Variants in PRKACA observed in about 807,000 individuals in gnomAD.
PRKACA encodes the protein protein kinase cAMP-activated catalytic subunit alpha, also known as cAMP-dependent protein kinase catalytic subunit alpha.
A neutral mutation model predicts 45.8 loss-of-function variants in PRKACA; 9 were observed. The ratio of observed to expected loss-of-function variants is 0.20; its 90% CI spans 0.12 to 0.34. PRKACA has a LOEUF of 0.34. Ranked by LOEUF, PRKACA falls within the 10% of genes least tolerant of loss-of-function variation. The pLI is 1.00. For missense variants in PRKACA, 238 were observed against 458.6 expected (o/e 0.52, Z 4.39); for synonymous variants, 160 against 178.6 (o/e 0.90, Z 0.83).
chr19:14,098,590 G>C (rs1473211374), intron 5 of PRKACA: 2 of 151,696 alleles, frequency 1.3e-5, no homozygotes, highest in Non-Finnish European at 2.9e-5. Context: ...TTGCCTCCTG[G>C]AAACAAGTGA....
chr19:14,092,896 G>A lies in PRKACA; in HGVS notation c.*216C>T. ...GAGGAAGGGAAAAGTGGGAGAGGGG[G>A]CAGGAGGGTGAAGGGGATGAGGGGG... On this transcript the variant is annotated 3_prime_UTR_variant, in exon 10 of 10. Coordinates refer to ENST00000308677, the MANE Select transcript of PRKACA (RefSeq NM_002730.4). The A allele has an allele frequency of 1.8e-6, 1 of 540,680 alleles. No individual in the cohort carries two copies. The highest frequency in any genetic ancestry group is 3.2e-6 in the Non-Finnish European group (1 of 315,330). 33.5% of individuals were successfully genotyped at this position (540,680 alleles called of 1,614,324 possible).
At chr19:14,096,032 GTTTTTTTTTT>G (rs60082323) in intron 8 of PRKACA, among the ~76,000 whole-genome samples, 1 of 92,580 alleles carries the variant, frequency 1.1e-5, no homozygotes, top group Non-Finnish European at 2.1e-5. Context: ...CTAATTTTTA[GTTTTTTTTTT>G]TTTTTTTTTT....
rs1454927053 is a variant in PRKACA, at chr19:14,092,637, CAGG to C, written c.*472_*474del. The C allele has an allele frequency of 2.5e-5, 10 of 397,956 alleles. No homozygotes were observed. The highest frequency in any genetic ancestry group is 1.2e-3 in the Middle Eastern group (2 of 1,606). 24.7% of individuals were successfully genotyped at this position (397,956 alleles called of 1,614,324 possible). ...TCACTAAAAATCTCTCCTTCCCAGG[CAGG>C]ATTACTCCGAAAGGAAGGTTGGCGC... On this transcript the variant is annotated 3_prime_UTR_variant, in exon 10 of 10. Transcript: ENST00000308677.
At chr19:14,104,023 G>A (rs1299560136) in intron 3 of PRKACA, among the ~76,000 whole-genome samples, 1 of 151,198 alleles carries the variant, frequency 6.6e-6, no homozygotes, top group Non-Finnish European at 1.5e-5. Flanking sequence ...CTGGGCAACA[G>A]AGCAAGACCC....
At position 14,097,834 on chromosome 19, in the gene PRKACA, T is replaced by C. The variant is rs1182215017; in HGVS notation, c.476A>G (p.His159Arg). The C allele has an allele frequency of 6.2e-7, 1 of 1,613,828 alleles. No homozygotes were observed. Among genetic ancestry groups the C allele is most frequent in the Non-Finnish European group, 8.5e-7 (1 of 1,179,974 alleles). Residue 159 changes from histidine to arginine, a missense_variant, in exon 6 of 10, where the codon CAC (histidine) becomes CGC (arginine). By Grantham distance (29) the His-to-Arg change is conservative. Transcript: ENST00000308677. The surrounding 1 kb of genome is among the most constrained non-coding windows in gnomAD (Gnocchi z 5.4). The part of the protein sequence containing the change: ...AQIVLTFEYL[H>R]SLDLIYRDLK... ...GTCCCTGTAGATGAGATCCAGCGAGTGCAGATACTCAAAGGTCAGGACGAT... is the reference window on the plus strand; with the variant it reads ...GTCCCTGTAGATGAGATCCAGCGAGCGCAGATACTCAAAGGTCAGGACGAT...
intron 1 of PRKACA, among the ~76,000 whole-genome samples, chr19:14,115,002 G>C (rs964249187): frequency 6.6e-6 from 1 of 152,064 alleles, no homozygotes; most frequent in African/African-American, 2.4e-5. Context: ...CCCTGCCCCT[G>C]CCCCACCCTT....
chr19:14,098,858 G>A (rs1217446107), intron 5 of PRKACA, among the ~76,000 whole-genome samples: 1 of 151,746 alleles, frequency 6.6e-6, no homozygotes, highest in African/African-American at 2.4e-5. Flanking sequence ...ATTTTCTTAG[G>A]TGATAGAAAA....
chr19:14,107,018 C>T (rs1977633260), intron 2 of PRKACA, 130 bp from the exon 3 acceptor site: 2 of 1,217,474 alleles, frequency 1.6e-6, no homozygotes, highest in Admixed American at 2.5e-5. Flanking sequence ...GGGGTGAGGA[C>T]AGGGGGCGGA....
At chr19:14,104,894 CAAAA>C (rs1346781258) in intron 3 of PRKACA, among the ~76,000 whole-genome samples, 1 of 151,702 alleles carries the variant, frequency 6.6e-6, no homozygotes, top group Non-Finnish European at 1.5e-5. Context: ...CAAAACAAAA[CAAAA>C]CAAAAATTAA....
chr19:14,094,760 AT>A (rs1272121077), intron 8 of PRKACA, among the ~76,000 whole-genome samples: 1 of 152,188 alleles, frequency 6.6e-6, no homozygotes, highest in African/African-American at 2.4e-5. Context: ...CTTCTGAAAT[AT>A]TCTTGCTTAT....
At position 14,093,502 on chromosome 19, in the gene PRKACA, G is replaced by T. The variant is rs1307476600; in HGVS notation, c.930+126C>A. The T allele has an allele frequency of 3.9e-6, 5 of 1,288,122 alleles. No individual in the cohort carries two copies. In the East Asian group the frequency reaches 9.3e-5, roughly 24 times the overall value. 79.8% of individuals were successfully genotyped at this position (1,288,122 alleles called of 1,614,324 possible). A position where few individuals can be genotyped will look rare whatever the true frequency, so the allele number is the denominator to read the frequency against. On this transcript the variant is annotated intron_variant, in intron 9 of 9. Transcript: ENST00000308677. ...CAGAATCCCATTTCTAGACCCCACTGCTCTAAGCTCTCTACTCTAGGTTGC... is the reference window on the plus strand; with the variant it reads ...CAGAATCCCATTTCTAGACCCCACTTCTCTAAGCTCTCTACTCTAGGTTGC...
At chr19:14,108,785 T>A (rs1307080745) in intron 1 of PRKACA, among the ~76,000 whole-genome samples, 2 of 149,570 alleles carry the variant, frequency 1.3e-5, no homozygotes, top group Non-Finnish European at 3.0e-5. Context: ...TGGAGTGCAG[T>A]GGCACAATCT....
intron 1 of PRKACA, 94 bp downstream of exon 1, chr19:14,117,408 G>A: frequency 8.5e-7 from 1 of 1,182,938 alleles, no homozygotes; most frequent in Non-Finnish European, 1.1e-6. Context: ...CAGAGAGGAT[G>A]AGGGGCCCCG....
At chr19:14,102,976 T>C in intron 3 of PRKACA, 62 bp from the exon 4 acceptor site, 1 of 1,322,072 alleles carries the variant, frequency 7.6e-7, no homozygotes. Flanking sequence ...TCATTTCCCC[T>C]AATGCCTGGA....
intron 1 of PRKACA, among the ~76,000 whole-genome samples, chr19:14,114,405 C>G (rs1967064226): frequency 6.6e-6 from 1 of 152,142 alleles, no homozygotes; most frequent in Non-Finnish European, 1.5e-5. Context: ...ACCTCTTGGG[C>G]ACCCATACAA....
At chr19:14,104,705 A>T (rs1311592710) in intron 3 of PRKACA, among the ~76,000 whole-genome samples, 3 of 151,210 alleles carry the variant, frequency 2.0e-5, no homozygotes, top group Non-Finnish European at 4.4e-5. Context: ...CAAAAAAAAA[A>T]AAAAAAAAAA....
At chr19:14,117,419 T>G in intron 1 of PRKACA, 83 bp downstream of exon 1, 5 of 1,194,320 alleles carry the variant, frequency 4.2e-6, no homozygotes, top group Non-Finnish European at 5.2e-6. Flanking sequence ...AGGGGCCCCG[T>G]AGGGGGAGGG....
intron 9 of PRKACA, 114 bp from the exon 10 acceptor site, chr19:14,093,351 C>G: frequency 7.2e-7 from 1 of 1,389,152 alleles, no homozygotes; most frequent in South Asian, 1.4e-5. Context: ...CAGGCCTGTG[C>G]TTACCATTAG....
At chr19:14,095,301 G>C (rs941351838) in intron 8 of PRKACA, among the ~76,000 whole-genome samples, 1 of 151,698 alleles carries the variant, frequency 6.6e-6, no homozygotes, top group African/African-American at 2.4e-5. Context: ...CTCCTGAGTA[G>C]CTGGGATTAC....
Sources: gnomAD v4.1 joint callset for allele counts (sites outside exome capture counted in the v4.1 genomes callset) on GRCh38, gnomAD v4.1.1 for gene constraint, Gnocchi (gnomAD v3.1) non-coding constraint, MANE v1.5 for transcripts, NCBI Gene and HGNC (gene_info 2026-07-23, HGNC 2026-07-21) for gene names.